CELSR3: variants seen among roughly 807,000 people sequenced by gnomAD.
CELSR3 encodes EGF-like protein 1.
Under a neutral mutation model 270.0 loss-of-function variants are expected in CELSR3, and 73 were observed. The ratio of observed to expected loss-of-function variants is 0.27; its 90% CI spans 0.22 to 0.33. CELSR3 has a LOEUF of 0.33. CELSR3 is among the 10% of genes least tolerant of loss of function. The pLI, the probability that CELSR3 is intolerant of heterozygous loss-of-function variation, is 1.00. For synonymous variants in CELSR3, 1,780 were observed against 1,905.4 expected, an observed-to-expected ratio of 0.93 and a Z score of 1.71; for missense variants, 3,614 against 4,533.8, an observed-to-expected ratio of 0.80 and a Z score of 5.83.
rs751006144 is a variant in CELSR3 at position 48,654,262 on chromosome 3, C to A, written c.5152+27G>T. ...CCTATGATGGGGACAGGGCCATGGG[C>A]TAGGCTGGTGGAAGCTTCAGGCCTA... On this transcript the variant is annotated intron_variant, in intron 7 of 34. Coordinates refer to ENST00000164024, the MANE Select transcript of CELSR3 (RefSeq NM_001407.3). The surrounding 1 kb of genome is among the most constrained non-coding windows in gnomAD (Gnocchi z 5.4). 6.2e-7 allele frequency: 1 copy of A among 1,613,204 alleles called. No homozygotes were observed. Among genetic ancestry groups the A allele is most frequent in the Non-Finnish European group, 8.5e-7 (1 of 1,179,924 alleles).
In CELSR3 at chr3:48,652,923, C is replaced by A; in HGVS notation, c.5634+79G>T. On this transcript the variant is annotated intron_variant, in intron 10 of 34. Transcript: ENST00000164024. This position sits in a 1 kb window ranked among gnomAD's most constrained non-coding sequence, Gnocchi z 4.3. ...GTGCAGTGGAGGGAACTGAGAGGAG[C>A]TGGACTAGAGGTGGGGTCAAATAAG... The A allele has an allele frequency of 5.9e-6, 7 of 1,186,800 alleles. No individual in the cohort carries two copies. Among genetic ancestry groups the A allele is most frequent in the Non-Finnish European group, 8.6e-6 (7 of 810,644 alleles). The allele number at this position is 1,186,800 out of a possible 1,614,324, so 73.5% of individuals were successfully genotyped here.
In CELSR3 at chr3:48,662,402, A is replaced by T. The variant is rs752941015; in HGVS notation, c.233T>A (p.Leu78Gln). The change falls in exon 1 of 35, where the codon CTG (leucine) becomes CAG (glutamine). Residue 78 changes from leucine (L) to glutamine (Q), a missense_variant. Around this residue, in one of 7 missense-constraint regions of CELSR3, gnomAD observed 470 missense variants for 469.7 expected, o/e 1.00. Coordinates refer to ENST00000164024, the MANE Select transcript of CELSR3 (RefSeq NM_001407.3). This position sits in a 1 kb window ranked among gnomAD's most constrained non-coding sequence, Gnocchi z 7.1. ...SGVREDGGPG[L>Q]GVREPIFVGL... ...CACGAAGATAGGCTCCCTGACCCCC[A>T]GGCCAGGCCCCCCATCCTCCCGGAC... The T allele has an allele frequency of 6.2e-7, 1 of 1,612,688 alleles. No individual in the cohort carries two copies. Among genetic ancestry groups the T allele is most frequent in the Admixed American group, 1.7e-5 (1 of 60,014 alleles).
In CELSR3 at chr3:48,651,186, G is replaced by T; in HGVS notation, c.6187-111C>A. 1 of 1,433,380 alleles carries T rather than the reference G, an allele frequency of 7.0e-7. No homozygotes were observed. The highest frequency in any genetic ancestry group is 9.6e-7 in the Non-Finnish European group (1 of 1,045,722). The allele number at this position is 1,433,380 out of a possible 1,614,324, so 88.8% of individuals were successfully genotyped here. On this transcript the variant is annotated intron_variant, in intron 14 of 34. Transcript: ENST00000164024. This position sits in a 1 kb window ranked among gnomAD's most constrained non-coding sequence, Gnocchi z 7.4. ...GTGCTCATGGGCCAGAGGACACCTG[G>T]GTCATGCGTGAAGCCAAGGGAGGGG...
At position 48,642,975 on chromosome 3, in the gene CELSR3, G is replaced by C; in HGVS notation, c.8398C>G (p.Pro2800Ala). ...KAAPEEARPA[P>A]GLGPGAYNNT... ...CCCCCATCCCGACTCACCAGCCCAGGTGCTGGCCTTGCCTCCTCAGGCGCT... is the reference window on the plus strand; with the variant it reads ...CCCCCATCCCGACTCACCAGCCCAGCTGCTGGCCTTGCCTCCTCAGGCGCT... Residue 2800 changes from proline (P) to alanine (A), a missense_variant, in exon 29 of 35, where the codon CCT (proline) becomes GCT (alanine). Around this residue, in one of 7 missense-constraint regions of CELSR3, gnomAD observed 1,240 missense variants for 1,351.7 expected, o/e 0.92. Transcript: ENST00000164024. The surrounding 1 kb of genome is among the most constrained non-coding windows in gnomAD (Gnocchi z 6.1). 1 of 1,612,356 alleles carries C rather than the reference G, an allele frequency of 6.2e-7. No individual in the cohort carries two copies. The highest frequency in any genetic ancestry group is 8.5e-7 in the Non-Finnish European group (1 of 1,179,548).
Position 48,654,332 on chromosome 3 carries a change from T to C in CELSR3, c.5109A>G (p.Arg1703=). 6.2e-7 allele frequency: 1 copy of C among 1,613,962 alleles called. No individual in the cohort carries two copies. Among genetic ancestry groups the C allele is most frequent in the Non-Finnish European group, 8.5e-7 (1 of 1,180,010 alleles). The part of the protein sequence containing the change: ...CMRDLHIDGR[R]VDMAAFVANN... Reference sequence around the variant, plus strand: ...TTGCGACAAAAGCCGCCATGTCCACTCGGCGGCCATCAATGTGCAGGTCCC... The same window carrying C: ...TTGCGACAAAAGCCGCCATGTCCACCCGGCGGCCATCAATGTGCAGGTCCC... The change falls in exon 7 of 35, where the codon CGA becomes CGG. Residue 1703 remains arginine, a synonymous_variant. Coordinates refer to ENST00000164024, the MANE Select transcript of CELSR3 (RefSeq NM_001407.3). The surrounding 1 kb of genome is among the most constrained non-coding windows in gnomAD (Gnocchi z 5.4).
rs772907590 is a variant in CELSR3, at chr3:48,659,556, G to A, written c.3079C>T (p.Arg1027Trp). The A allele has an allele frequency of 1.2e-5, 19 of 1,614,126 alleles. No homozygotes were observed. Among genetic ancestry groups the A allele is most frequent in the South Asian group, 3.3e-5 (3 of 91,088 alleles). Residue 1027 changes from arginine to tryptophan, a missense_variant, in exon 1 of 35, where the codon CGG becomes TGG. Arg to Trp is a moderately radical substitution (Grantham distance 101). Coordinates refer to ENST00000164024, the MANE Select transcript of CELSR3 (RefSeq NM_001407.3). The surrounding 1 kb of genome is among the most constrained non-coding windows in gnomAD (Gnocchi z 8.1). ...AACTCATACACTGATACTGCCTCCC[G>A]GTCTAGCCGCCTTACTGTACGGACA... ...GIVRTVRRLD[R>W]EAVSVYELTA...
rs757699513 is a variant in CELSR3, at chr3:48,651,057, G to A, written c.6205C>T (p.Arg2069Trp). Residue 2069 changes from arginine to tryptophan, a missense_variant, in exon 15 of 35, where the codon CGG becomes TGG. Arg to Trp is a moderately radical substitution (Grantham distance 101). Transcript: ENST00000164024. This position sits in a 1 kb window ranked among gnomAD's most constrained non-coding sequence, Gnocchi z 7.4. ...CHCKEFHYRP[R>W]GSDSCLPCDC... ...CATGGGAGGCAAGAGTCACTGCCCC[G>A]CGGTCGGTAGTGGAACTCCTGTTTG... 17 of 1,570,852 alleles carry A rather than the reference G, an allele frequency of 1.1e-5. No homozygotes were observed. In the East Asian group the frequency reaches 1.1e-4, roughly 10 times the overall value.
rs2047147572 is a variant in CELSR3, at chr3:48,652,630, CCTT to C, written c.5635-80_5635-78del. ...TGTCATAGCCCAGAGTCAGTCTTGG[CCTT>C]CTTCTAGCCCTTCTAGGCTGCCCCC... On this transcript the variant is annotated intron_variant, in intron 10 of 34. Coordinates refer to ENST00000164024, the MANE Select transcript of CELSR3 (RefSeq NM_001407.3). The surrounding 1 kb of genome is among the most constrained non-coding windows in gnomAD (Gnocchi z 4.3). The C allele has an allele frequency of 3.4e-6, 4 of 1,192,060 alleles. No individual in the cohort carries two copies. The South Asian group carries it at 4.3e-5, about 13-fold the overall frequency. The allele number at this position is 1,192,060 out of a possible 1,614,324, so 73.8% of individuals were successfully genotyped here. A position where few individuals can be genotyped will look rare whatever the true frequency, so the allele number is the denominator to read the frequency against.
chr3:48,648,260 A>G lies in CELSR3; in HGVS notation c.6973+6T>C. ...TGTGCCCCGCCCTACCCCACCCACA[A>G]CGCACTGATATTAGGCGTCACCAGC... On this transcript the variant is annotated splice_donor_region_variant and intron_variant, in intron 19 of 34. Coordinates refer to ENST00000164024, the MANE Select transcript of CELSR3 (RefSeq NM_001407.3). 2 of 1,534,044 alleles carry G rather than the reference A, an allele frequency of 1.3e-6. No individual in the cohort carries two copies. Among genetic ancestry groups the G allele is most frequent in the Non-Finnish European group, 1.8e-6 (2 of 1,118,964 alleles).
chr3:48,654,939 G>GA lies in CELSR3; in HGVS notation c.4988+104dup. On this transcript the variant is annotated intron_variant, in intron 6 of 34. Coordinates refer to ENST00000164024, the MANE Select transcript of CELSR3 (RefSeq NM_001407.3). The surrounding 1 kb of genome is among the most constrained non-coding windows in gnomAD (Gnocchi z 5.4). Reference sequence around the variant, plus strand: ...AGAGGGGAATCTTGGTGGTTTGGGGGAAAGATGGGAGAGTTTGGCAGGATG... The same window carrying GA: ...AGAGGGGAATCTTGGTGGTTTGGGGGAAAAGATGGGAGAGTTTGGCAGGATG... 1 of 1,200,064 alleles carries GA rather than the reference G, an allele frequency of 8.3e-7. No individual in the cohort carries two copies. Among genetic ancestry groups the GA allele is most frequent in the Non-Finnish European group, 1.2e-6 (1 of 819,368 alleles). The allele number at this position is 1,200,064 out of a possible 1,614,324, so 74.3% of individuals were successfully genotyped here.
chr3:48,662,805 A>C lies in CELSR3; in HGVS notation c.-171T>G, dbSNP rs1182861310. The C allele has an allele frequency of 2.0e-5, 6 of 294,076 alleles. No individual in the cohort carries two copies. Among genetic ancestry groups the C allele is most frequent in the Middle Eastern group, 9.5e-4 (1 of 1,054 alleles). 18.2% of individuals were successfully genotyped at this position (294,076 alleles called of 1,614,324 possible). A position where few individuals can be genotyped will look rare whatever the true frequency, so the allele number is the denominator to read the frequency against. ...TGGGCACCATCTACTCCGCGGCCGG[A>C]GCCCCTCCGGCGTGCGGCCCTGGCT... On this transcript the variant is annotated 5_prime_UTR_variant, in exon 1 of 35. Transcript: ENST00000164024. This position sits in a 1 kb window ranked among gnomAD's most constrained non-coding sequence, Gnocchi z 7.1.
At position 48,657,208 on chromosome 3, in the gene CELSR3, C is replaced by G. The variant is rs368046904; in HGVS notation, c.3889G>C (p.Glu1297Gln). Residue 1297 changes from glutamate (E) to glutamine (Q), a missense_variant, in exon 2 of 35, where the codon GAG (glutamate) becomes CAG (glutamine). Transcript: ENST00000164024. This position sits in a 1 kb window ranked among gnomAD's most constrained non-coding sequence, Gnocchi z 5.4. ...FLSPLLGRFL[E>Q]GVAAVLATPA... The stretch of plus-strand genomic sequence containing the variant: ...GTAGCGAGCACCGCAGCCACGCCCT[C>G]GAGGAAGCGGCCCAGCAGCGGTGAC... The G allele has an allele frequency of 1.2e-6, 2 of 1,613,772 alleles. No homozygotes were observed. Among genetic ancestry groups the G allele is most frequent in the African/African-American group, 1.3e-5 (1 of 75,044 alleles).
In CELSR3 at chr3:48,657,242, C is replaced by T. The variant is rs147483780; in HGVS notation, c.3855G>A (p.Glu1285=). The T allele has an allele frequency of 7.8e-4, 1,258 of 1,613,058 alleles. 12 individuals carry two copies. In the African/African-American group the frequency reaches 0.014, roughly 18 times the overall value. ...GGCCCAGCAGCGGTGACAGGAAGCG[C>T]TCCTGCCACATGTTCTCAAGGCGCA... ...LTVRLENMWQ[E]RFLSPLLGRF... is the part of the protein sequence containing the mutation. Residue 1285 remains glutamate (E), a synonymous_variant, in exon 2 of 35, where the codon GAG becomes GAA. Coordinates refer to ENST00000164024, the MANE Select transcript of CELSR3 (RefSeq NM_001407.3). The surrounding 1 kb of genome is among the most constrained non-coding windows in gnomAD (Gnocchi z 5.4).
In CELSR3 at chr3:48,646,711, G is replaced by C. The variant is rs982749408; in HGVS notation, c.7295+52C>G. 1 of 1,562,020 alleles carries C rather than the reference G, an allele frequency of 6.4e-7. No homozygotes were observed. The highest frequency in any genetic ancestry group is 8.6e-7 in the Non-Finnish European group (1 of 1,156,704). On this transcript the variant is annotated intron_variant, in intron 21 of 34. Coordinates refer to ENST00000164024, the MANE Select transcript of CELSR3 (RefSeq NM_001407.3). The surrounding 1 kb of genome is among the most constrained non-coding windows in gnomAD (Gnocchi z 4.8). ...TACGCATCTACCCACCAAAAAAGGG[G>C]CTGCCAGGCTGAGAAGTTCGTAGGA...
At chr3:48,638,937 C>T (rs1264929225) in intron 34 of CELSR3, among the ~76,000 whole-genome samples, 1 of 151,372 alleles carries the variant, frequency 6.6e-6, no homozygotes, top group East Asian at 1.9e-4. Context: ...CCCCCAGAGC[C>T]TGACCCAGCT....
rs779298948 is a variant in CELSR3, at chr3:48,648,879, T to C, written c.6617A>G (p.Lys2206Arg). 19 of 1,612,790 alleles carry C rather than the reference T, an allele frequency of 1.2e-5. No homozygotes were observed. The highest frequency in any genetic ancestry group is 9.3e-5 in the African/African-American group (7 of 74,936). Residue 2206 changes from lysine (K) to arginine (R), a missense_variant, in exon 18 of 35, where the codon AAG becomes AGG. Lys to Arg is a conservative substitution (Grantham distance 26). Transcript: ENST00000164024. ...CTCCCGTAGCCGCTGAGCCAGCTTC[T>C]TGGCCTCCATGGTATCCAGTGCCGT... Reference protein sequence around the residue: ...NKTALDTMEAKKLAQRLREVT... With the variant: ...NKTALDTMEARKLAQRLREVT...
chr3:48,656,368 G>T lies in CELSR3; in HGVS notation c.4400-3C>A. On this transcript the variant is annotated splice_polypyrimidine_tract_variant and splice_region_variant and intron_variant, in intron 2 of 34. Transcript: ENST00000164024. ...GGTGTCCAGCTCGCAGTCCTCTCCT[G>T]GGGGCCAAGCCGCGGTCAGAGGCGG... is the stretch of plus-strand genomic sequence containing the variant. 1 of 1,410,706 alleles carries T rather than the reference G, an allele frequency of 7.1e-7. No individual in the cohort carries two copies. The highest frequency in any genetic ancestry group is 9.1e-7 in the Non-Finnish European group (1 of 1,096,214). The allele number at this position is 1,410,706 out of a possible 1,614,324, so 87.4% of individuals were successfully genotyped here.
In CELSR3 at chr3:48,660,177, C is replaced by A. The variant is rs1200544635; in HGVS notation, c.2458G>T (p.Asp820Tyr). 2 of 1,613,944 alleles carry A rather than the reference C, an allele frequency of 1.2e-6. No homozygotes were observed. The highest frequency in any genetic ancestry group is 1.7e-5 in the Admixed American group (1 of 59,996). The change falls in exon 1 of 35, where the codon GAC (aspartate) becomes TAC (tyrosine). Residue 820 changes from aspartate to tyrosine, a missense_variant. Physicochemically the swap from Asp to Tyr is radical, Grantham distance 160. Transcript: ENST00000164024. This position sits in a 1 kb window ranked among gnomAD's most constrained non-coding sequence, Gnocchi z 5.5. ...VGLVTLALPL[D>Y]YKQERYFKLV... ...TTGAAGTAGCGTTCCTGCTTGTAGT[C>A]CAGTGGCAGAGCCAGAGTCACCAGA...
At position 48,656,408 on chromosome 3, in the gene CELSR3, G is replaced by T. The variant is rs1040130229; in HGVS notation, c.4400-43C>A. The stretch of plus-strand genomic sequence containing the variant: ...GTCAGAGGCGGTCACGCCCACGCCC[G>T]CCCCTGCTCCGGCCCCTTCAAAGAC... On this transcript the variant is annotated intron_variant, in intron 2 of 34. Transcript: ENST00000164024. The T allele has an allele frequency of 8.7e-6, 12 of 1,378,488 alleles. No individual in the cohort carries two copies. The African/African-American group carries it at 1.7e-4, about 19-fold the overall frequency. 85.4% of individuals were successfully genotyped at this position (1,378,488 alleles called of 1,614,324 possible). A position where few individuals can be genotyped will look rare whatever the true frequency, so the allele number is the denominator to read the frequency against.
Sources: allele counts gnomAD v4.1 joint callset (sites outside exome capture counted in the v4.1 genomes callset), GRCh38; gene constraint gnomAD v4.1.1; regional missense constraint gnomAD v4.1.1; non-coding constraint Gnocchi (gnomAD v3.1); transcripts MANE v1.5; gene names NCBI Gene and HGNC (gene_info 2026-07-23, HGNC 2026-07-21).